The following NOVA1 variants were observed in gnomAD, a reference collection of about 807,000 sequenced individuals.
NOVA1 encodes the protein RNA-binding protein Nova-1.
Under a neutral mutation model 38.0 loss-of-function variants are expected in NOVA1, and 7 were observed. That is an observed-to-expected ratio of 0.18 (90% CI 0.10 to 0.35). The LOEUF is 0.35. NOVA1 is among the 10% of genes least tolerant of loss of function. The probability of loss-of-function intolerance (pLI) is 1.00; values close to 1 mark genes in which losing one functional copy is unlikely to be tolerated. For missense variants in NOVA1, 460 were observed against 616.0 expected (o/e 0.75, Z 2.68); for synonymous variants, 270 against 232.5 (o/e 1.16, Z -1.47).
intron 4 of NOVA1, among the ~76,000 whole-genome samples, chr14:26,457,606 C>T (rs1423966854): frequency 1.3e-5 from 2 of 152,082 alleles, no homozygotes; most frequent in Non-Finnish European, 2.9e-5. Context: ...CAATTGTGTA[C>T]AGTACATAAA....
At chr14:26,484,069 G>A (rs891271064) in intron 2 of NOVA1, among the ~76,000 whole-genome samples, 3 of 151,792 alleles carry the variant, frequency 2.0e-5, no homozygotes, top group African/African-American at 7.3e-5. Context: ...AAATATTTCT[G>A]CAACAACAAA....
intron 2 of NOVA1, among the ~76,000 whole-genome samples, chr14:26,526,574 T>A (rs1202969731): frequency 1.1e-5 from 1 of 90,940 alleles, no homozygotes; most frequent in Non-Finnish European, 3.3e-5. Context: ...ATTTTAATGT[T>A]AGAAAATAAA....
intron 4 of NOVA1, among the ~76,000 whole-genome samples, chr14:26,467,555 C>G (rs1167565072): frequency 6.6e-6 from 1 of 151,994 alleles, no homozygotes; most frequent in Non-Finnish European, 1.5e-5. Flanking sequence ...GTTTGGTTTT[C>G]TAAGATGAGA....
intron 2 of NOVA1, among the ~76,000 whole-genome samples, chr14:26,488,119 G>A (rs1886060179): frequency 6.6e-6 from 1 of 152,052 alleles, no homozygotes; most frequent in Non-Finnish European, 1.5e-5. Context: ...TTCTTCTCTA[G>A]GTGATTAACT....
At chr14:26,456,048 T>G (rs1219657431) in intron 4 of NOVA1, among the ~76,000 whole-genome samples, 1 of 152,046 alleles carries the variant, frequency 6.6e-6, no homozygotes, top group Non-Finnish European at 1.5e-5. Context: ...AAATCACCTC[T>G]TTTTAGCCCA....
intron 4 of NOVA1, among the ~76,000 whole-genome samples, chr14:26,455,752 A>C (rs1883121042): frequency 6.6e-6 from 1 of 152,082 alleles, no homozygotes; most frequent in African/African-American, 2.4e-5. Context: ...GAAGAGAAGC[A>C]CTTCAAACTA....
At chr14:26,489,981 C>A (rs572308832) in intron 2 of NOVA1, among the ~76,000 whole-genome samples, 1 of 152,234 alleles carries the variant, frequency 6.6e-6, no homozygotes, top group African/African-American at 2.4e-5. Flanking sequence ...TTCATTATCA[C>A]AAACTGTAAC....
At chr14:26,489,186 T>C (rs1414596423) in intron 2 of NOVA1, among the ~76,000 whole-genome samples, 1 of 152,146 alleles carries the variant, frequency 6.6e-6, no homozygotes, top group Non-Finnish European at 1.5e-5. Flanking sequence ...ATTAATGCAT[T>C]AGACAAAATT....
intron 2 of NOVA1, among the ~76,000 whole-genome samples, chr14:26,517,205 A>C (rs1478122871): frequency 7.2e-5 from 11 of 151,996 alleles, no homozygotes; most frequent in Admixed American, 7.2e-4. Flanking sequence ...ACACCCAGCC[A>C]ACTTTGCCTC....
In NOVA1 at chr14:26,581,621, T is replaced by C. The variant is rs534853326; in HGVS notation, c.280+13789A>G. ...TTTTGTATGTTTCCATGTTGCTTAG[T>C]TATTACTATTTTCCTTTCAATGGCA... On this transcript the variant is annotated intron_variant, in intron 2 of 4. Transcript: ENST00000539517. 6.3e-4 allele frequency among the ~76,000 whole-genome samples: 96 copies of C among 152,122 alleles called. 1 individual carries two copies. Among genetic ancestry groups the C allele is most frequent in the African/African-American group, 2.2e-3 (93 of 41,560 alleles).
At chr14:26,544,770 A>G (rs2138613768) in intron 2 of NOVA1, among the ~76,000 whole-genome samples, 1 of 152,180 alleles carries the variant, frequency 6.6e-6, no homozygotes, top group Non-Finnish European at 1.5e-5. Context: ...AGATGCAAAT[A>G]ACAGCACTTA....
Position 26,502,054 on chromosome 14 carries a change from C to T in NOVA1, c.281-21911G>A, listed in dbSNP as rs113145870. Among the ~76,000 whole-genome samples the T allele has an allele frequency of 1.4e-3, 207 of 151,580 alleles. 1 individual carries two copies. The highest frequency in any genetic ancestry group is 4.6e-3 in the African/African-American group (188 of 41,120). On this transcript the variant is annotated intron_variant, in intron 2 of 4. Transcript: ENST00000539517. ...TAGCAACTAAGAGAAACAGAATCAA[C>T]TAAACAAATCCATTTCTTAAATACC...
chr14:26,521,848 T>C (rs77459455), intron 2 of NOVA1, among the ~76,000 whole-genome samples: 6,266 of 152,108 alleles, frequency 0.041, 187 homozygotes, highest in South Asian at 0.097. Context: ...ATTTCTGCAA[T>C]TTTTATATTG....
At chr14:26,466,282 G>A (rs985960230) in intron 4 of NOVA1, among the ~76,000 whole-genome samples, 3 of 152,192 alleles carry the variant, frequency 2.0e-5, no homozygotes, top group African/African-American at 7.2e-5. Context: ...TTTTTGACAT[G>A]TTGGCTTTTA....
intron 2 of NOVA1, chr14:26,549,757 CA>C: frequency 2.3e-6 from 3 of 1,288,752 alleles, no homozygotes; most frequent in Non-Finnish European, 2.0e-6. Context: ...GCACCATGTA[CA>C]ATTTCTTCTG....
intron 2 of NOVA1, chr14:26,593,753 G>A (rs2138822138): frequency 6.6e-6 from 1 of 151,966 alleles, no homozygotes; most frequent in East Asian, 1.9e-4. Flanking sequence ...CTAATTCTCA[G>A]TGCACCCTTT....
At chr14:26,563,353 G>A (rs569220952) in intron 2 of NOVA1, among the ~76,000 whole-genome samples, 1 of 150,464 alleles carries the variant, frequency 6.6e-6, no homozygotes, top group East Asian at 2.0e-4. Context: ...TAATAATGGG[G>A]GCAGGGGAAG....
chr14:26,460,476 G>T (rs1883563279), intron 4 of NOVA1, among the ~76,000 whole-genome samples: 1 of 151,730 alleles, frequency 6.6e-6, no homozygotes, highest in Non-Finnish European at 1.5e-5. Context: ...TTGGCTAAAA[G>T]CAATTTGAAG....
intron 2 of NOVA1, among the ~76,000 whole-genome samples, chr14:26,531,838 T>C (rs1300232418): frequency 6.6e-6 from 1 of 152,114 alleles, no homozygotes; most frequent in Non-Finnish European, 1.5e-5. Context: ...ACAAAGGACT[T>C]GTATCCTGAA....
Sources: gnomAD v4.1 joint callset for allele counts (sites outside exome capture counted in the v4.1 genomes callset) on GRCh38, gnomAD v4.1.1 for gene constraint, MANE v1.5 for transcripts, NCBI Gene and HGNC (gene_info 2026-07-23, HGNC 2026-07-21) for gene names.